Variants in ARHGEF26 observed in about 807,000 individuals in gnomAD.
The protein encoded by ARHGEF26 is Rho guanine nucleotide exchange factor (GEF) 26.
Under a neutral mutation model 89.4 loss-of-function variants are expected in ARHGEF26, and 59 were observed. The observed-to-expected ratio is 0.66, with a 90% confidence interval of 0.54 to 0.82. The LOEUF is 0.82. ARHGEF26 is among the 40% of genes least tolerant of loss of function. The pLI, the probability that ARHGEF26 is intolerant of heterozygous loss-of-function variation, is 0.00. For synonymous variants in ARHGEF26, 500 were observed against 428.4 expected, an observed-to-expected ratio of 1.17 and a Z score of -2.06; for missense variants, 1,234 against 1,085.6, an observed-to-expected ratio of 1.14 and a Z score of -1.92.
chr3:154,197,583 G>A (rs949950083), intron 9 of ARHGEF26, among the ~76,000 whole-genome samples: 3 of 152,124 alleles, frequency 2.0e-5, no homozygotes, highest in Admixed American at 2.0e-4. Context: ...TACCATTTTG[G>A]TAGTTAAAAT....
intron 6 of ARHGEF26, among the ~76,000 whole-genome samples, chr3:154,162,579 T>C (rs1316546776): frequency 6.6e-6 from 1 of 151,942 alleles, no homozygotes; most frequent in Admixed American, 6.6e-5. Context: ...ATGTGTGGAG[T>C]TTGCATGTTC....
At chr3:154,158,774 C>T (rs1576716647) in intron 6 of ARHGEF26, among the ~76,000 whole-genome samples, 1 of 115,894 alleles carries the variant, frequency 8.6e-6, no homozygotes, top group Non-Finnish European at 1.7e-5. Context: ...ATATACTTTG[C>T]ATATTTTCAT....
intron 12 of ARHGEF26, among the ~76,000 whole-genome samples, chr3:154,243,996 TG>T (rs1298454942): frequency 6.6e-6 from 1 of 152,224 alleles, no homozygotes; most frequent in Non-Finnish European, 1.5e-5. Flanking sequence ...TTCCAACATT[TG>T]TGAAATGCAT....
At chr3:154,163,284 C>G (rs1026525961) in intron 6 of ARHGEF26, among the ~76,000 whole-genome samples, 1 of 152,086 alleles carries the variant, frequency 6.6e-6, no homozygotes, top group Non-Finnish European at 1.5e-5. Flanking sequence ...GTCACAGCCC[C>G]CAAAACCTAT....
intron 12 of ARHGEF26, among the ~76,000 whole-genome samples, chr3:154,252,330 G>C (rs978288756): frequency 9.2e-5 from 14 of 152,148 alleles, no homozygotes; most frequent in Non-Finnish European, 1.5e-5. Context: ...CATGTAGCAT[G>C]TGTTTAATAA....
At position 154,256,144 on chromosome 3, in the gene ARHGEF26, ATAAG is replaced by A. The variant is rs1231871473; in HGVS notation, c.*674_*677del. 1.0e-6 allele frequency: 1 copy of A among 985,000 alleles called. No homozygotes were observed. The highest frequency in any genetic ancestry group is 1.2e-6 in the Non-Finnish European group (1 of 829,278). The allele number at this position is 985,000 out of a possible 1,614,324, so 61.0% of individuals were successfully genotyped here. A position where few individuals can be genotyped will look rare whatever the true frequency, so the allele number is the denominator to read the frequency against. On this transcript the variant is annotated 3_prime_UTR_variant, in exon 15 of 15. Coordinates refer to ENST00000465093, the MANE Select transcript of ARHGEF26 (RefSeq NM_015595.4). ...CCATCTCACCCCATATTGTTCTTAA[ATAAG>A]TATAGACTAATTAACCTAAGCTACC... is the stretch of plus-strand genomic sequence containing the variant.
At chr3:154,170,072 A>C (rs1484733798) in intron 6 of ARHGEF26, among the ~76,000 whole-genome samples, 9 of 152,074 alleles carry the variant, frequency 5.9e-5, no homozygotes, top group Non-Finnish European at 2.9e-5. Context: ...AGAAAAAAAA[A>C]AACAACTAGC....
intron 6 of ARHGEF26, among the ~76,000 whole-genome samples, chr3:154,184,061 C>T (rs1037208370): frequency 6.7e-6 from 1 of 150,338 alleles, no homozygotes; most frequent in African/African-American, 2.4e-5. Context: ...CAAGCTCCAC[C>T]TCCTGGGTTC....
At chr3:154,253,342 G>C (rs1405370922) in intron 13 of ARHGEF26, among the ~76,000 whole-genome samples, 159 bp downstream of exon 13, 1 of 152,222 alleles carries the variant, frequency 6.6e-6, no homozygotes, top group East Asian at 1.9e-4. Context: ...CCTTGCTTTG[G>C]AAGTCAGGGG....
At chr3:154,209,680 A>G (rs79184367) in intron 9 of ARHGEF26, among the ~76,000 whole-genome samples, 368 of 152,278 alleles carry the variant, frequency 2.4e-3, no homozygotes, top group African/African-American at 8.5e-3. Flanking sequence ...CACCCTCACT[A>G]TGATTGCGCC....
intron 9 of ARHGEF26, among the ~76,000 whole-genome samples, chr3:154,210,897 C>T (rs1051597631): frequency 1.1e-4 from 17 of 151,024 alleles, no homozygotes; most frequent in African/African-American, 2.9e-4. Context: ...GAGCCAAGGT[C>T]GCACCATTGC....
intron 7 of ARHGEF26, 120 bp downstream of exon 7, chr3:154,187,957 C>T (rs1048179764): frequency 3.5e-5 from 35 of 989,624 alleles, no homozygotes; most frequent in African/African-American, 6.5e-5. Flanking sequence ...AGGCTATTTC[C>T]CAGAGGAGAA....
chr3:154,236,994 T>C (rs1247988424), intron 11 of ARHGEF26, among the ~76,000 whole-genome samples: 2 of 152,166 alleles, frequency 1.3e-5, no homozygotes, highest in Non-Finnish European at 2.9e-5. Flanking sequence ...GCATATTCAA[T>C]GACACAACTA....
At chr3:154,183,522 A>G (rs1713310717) in intron 6 of ARHGEF26, among the ~76,000 whole-genome samples, 1 of 152,158 alleles carries the variant, frequency 6.6e-6, no homozygotes, top group Admixed American at 6.5e-5. Context: ...ATTTGATTTG[A>G]TTCACCGGCA....
intron 9 of ARHGEF26, among the ~76,000 whole-genome samples, chr3:154,208,615 A>C (rs1427341109): frequency 1.3e-5 from 2 of 151,922 alleles, no homozygotes; most frequent in African/African-American, 4.8e-5. Context: ...TCCTGTAGCC[A>C]TGCTTAATCA....
chr3:154,231,819 CAAGT>C (rs1424128502), intron 11 of ARHGEF26, among the ~76,000 whole-genome samples: 4 of 151,706 alleles, frequency 2.6e-5, no homozygotes, highest in Non-Finnish European at 5.9e-5. Context: ...TGTCAGGCGG[CAAGT>C]GAGTGAGGAA....
At chr3:154,240,328 T>G (rs377395730) in intron 11 of ARHGEF26, 42 bp from the exon 12 acceptor site, 2 of 1,479,610 alleles carry the variant, frequency 1.4e-6, no homozygotes, top group African/African-American at 2.8e-5. Flanking sequence ...GTCAGTCTTA[T>G]CTGCTGAATA....
At chr3:154,150,380 A>G (rs1719951235) in intron 5 of ARHGEF26, among the ~76,000 whole-genome samples, 1 of 152,144 alleles carries the variant, frequency 6.6e-6, no homozygotes, top group African/African-American at 2.4e-5. Flanking sequence ...AGAGACAACT[A>G]TAATTATGAA....
chr3:154,138,212 G>A (rs1187167614), intron 4 of ARHGEF26, among the ~76,000 whole-genome samples: 1 of 151,362 alleles, frequency 6.6e-6, no homozygotes, highest in East Asian at 2.0e-4. Flanking sequence ...GGCTTTCTCT[G>A]TAGAAAAATG....
Sources: allele counts gnomAD v4.1 joint callset (sites outside exome capture counted in the v4.1 genomes callset), GRCh38; gene constraint gnomAD v4.1.1; transcripts MANE v1.5; gene names NCBI Gene and HGNC (gene_info 2026-07-23, HGNC 2026-07-21).